The following SCAPER variants were observed in gnomAD, a reference collection of about 807,000 sequenced individuals.
The protein encoded by SCAPER is S phase cyclin A-associated protein in the endoplasmic reticulum.
A neutral mutation model predicts 182.2 loss-of-function variants in SCAPER; 98 were observed. The ratio of observed to expected loss-of-function variants is 0.54; its 90% confidence interval spans 0.46 to 0.64. The LOEUF (loss-of-function observed/expected upper bound fraction) is 0.64. Ranked by LOEUF, SCAPER falls within the 30% of genes least tolerant of loss-of-function variation. SCAPER has a pLI of 0.00. For synonymous variants in SCAPER, 605 were observed against 564.6 expected (o/e 1.07, Z -1.01); for missense variants, 1,432 against 1,690.0 (o/e 0.85, Z 2.68).
intron 24 of SCAPER, among the ~76,000 whole-genome samples, chr15:76,483,643 C>T (rs1165649684): frequency 6.6e-6 from 1 of 152,100 alleles, no homozygotes; most frequent in Non-Finnish European, 1.5e-5. Context: ...AGAACTCTTA[C>T]AACTTAATAC....
At chr15:76,870,565 A>T (rs1026048368) in intron 2 of SCAPER, among the ~76,000 whole-genome samples, 4 of 152,078 alleles carry the variant, frequency 2.6e-5, no homozygotes, top group Non-Finnish European at 5.9e-5. Context: ...AGAAAACTAG[A>T]TACCTTAAAA....
chr15:76,641,305 A>G (rs1246844988), intron 21 of SCAPER, among the ~76,000 whole-genome samples: 1 of 152,232 alleles, frequency 6.6e-6, no homozygotes, highest in African/African-American at 2.4e-5. Flanking sequence ...GTACTTCTGC[A>G]TACAGATGTT....
At chr15:76,664,413 G>A (rs950228652) in intron 21 of SCAPER, among the ~76,000 whole-genome samples, 1 of 152,120 alleles carries the variant, frequency 6.6e-6, no homozygotes, top group African/African-American at 2.4e-5. Context: ...TGACTTTAAT[G>A]GTTTTGGCCT....
At chr15:76,890,748 A>G (rs1288281807) in intron 1 of SCAPER, among the ~76,000 whole-genome samples, 1 of 152,230 alleles carries the variant, frequency 6.6e-6, no homozygotes, top group Non-Finnish European at 1.5e-5. Flanking sequence ...TACAAAGAGG[A>G]GTTGGTACCA....
intron 8 of SCAPER, among the ~76,000 whole-genome samples, chr15:76,790,748 G>C (rs1369349847): frequency 1.3e-5 from 2 of 152,128 alleles, no homozygotes. Context: ...TATGTAACTA[G>C]TGGTCTGTTA....
intron 25 of SCAPER, among the ~76,000 whole-genome samples, chr15:76,441,302 C>G (rs1198202885): frequency 6.6e-6 from 1 of 152,124 alleles, no homozygotes; most frequent in African/African-American, 2.4e-5. Context: ...TATCATTACC[C>G]TTTCTAACAT....
chr15:76,603,943 G>C (rs925676582), intron 22 of SCAPER, among the ~76,000 whole-genome samples: 1 of 121,090 alleles, frequency 8.3e-6, no homozygotes, highest in African/African-American at 2.5e-5. Context: ...CAGATGAGTA[G>C]GTTGCAAAAA....
At chr15:76,728,305 C>T (rs2060713238) in intron 17 of SCAPER, among the ~76,000 whole-genome samples, 1 of 151,868 alleles carries the variant, frequency 6.6e-6, no homozygotes, top group Non-Finnish European at 1.5e-5. Context: ...GGTCCTCTAA[C>T]CTTTTACTAA....
chr15:76,682,264 T>TCCCCCCCCCCCCCCCC (rs573661987), intron 20 of SCAPER, among the ~76,000 whole-genome samples: 1 of 130,518 alleles, frequency 7.7e-6, no homozygotes. Flanking sequence ...TCACCTCCCT[T>TCCCCCCCCCCCCCCCC]CCCCCCCCCA....
intron 30 of SCAPER, 106 bp from the exon 31 acceptor site, chr15:76,351,394 A>G (rs2040537569): frequency 6.5e-6 from 6 of 916,306 alleles, no homozygotes; most frequent in East Asian, 2.9e-5. Flanking sequence ...TTTTGTATGA[A>G]TATTTTGGGG....
At chr15:76,721,910 C>T (rs2150970771) in intron 17 of SCAPER, among the ~76,000 whole-genome samples, 1 of 152,216 alleles carries the variant, frequency 6.6e-6, no homozygotes. Context: ...TAATTGAATG[C>T]CCTTTATTTC....
intron 25 of SCAPER, among the ~76,000 whole-genome samples, chr15:76,462,406 T>C (rs184038512): frequency 9.5e-4 from 145 of 152,324 alleles, no homozygotes; most frequent in African/African-American, 3.3e-3. Context: ...TTCTATGATG[T>C]GGATTCTTTC....
intron 17 of SCAPER, among the ~76,000 whole-genome samples, chr15:76,717,123 T>C (rs1016826904): frequency 1.6e-5 from 2 of 126,262 alleles, no homozygotes; most frequent in Non-Finnish European, 3.2e-5. Flanking sequence ...TGGGATGACA[T>C]ATTCAAAATG....
At chr15:76,659,361 C>T (rs1034859010) in intron 21 of SCAPER, among the ~76,000 whole-genome samples, 1 of 152,134 alleles carries the variant, frequency 6.6e-6, no homozygotes, top group African/African-American at 2.4e-5. Context: ...GTCTCGACCT[C>T]CCAGGCTCAA....
At chr15:76,667,047 T>C (rs1310664696) in intron 20 of SCAPER, among the ~76,000 whole-genome samples, 1 of 152,228 alleles carries the variant, frequency 6.6e-6, no homozygotes, top group Admixed American at 6.5e-5. Context: ...TCAGCTACTA[T>C]CCTTTTGTAC....
In SCAPER at chr15:76,862,401, T is replaced by A; in HGVS notation, c.124+15A>T. ...TATTTACAACAAAAATGAAACTAAT[T>A]TTTTAAATACATACCATCATCATCT... On this transcript the variant is annotated intron_variant, in intron 3 of 31. Transcript: ENST00000563290. 1 of 1,541,574 alleles carries A rather than the reference T, an allele frequency of 6.5e-7. No individual in the cohort carries two copies. The highest frequency in any genetic ancestry group is 1.1e-5 in the South Asian group (1 of 87,766).
At chr15:76,490,135 G>A (rs1269883341) in intron 24 of SCAPER, among the ~76,000 whole-genome samples, 5 of 152,170 alleles carry the variant, frequency 3.3e-5, no homozygotes, top group Admixed American at 3.3e-4. Flanking sequence ...TTGAGATTGT[G>A]ATTTTAATTC....
chr15:76,655,781 C>G (rs1454861196), intron 21 of SCAPER, among the ~76,000 whole-genome samples: 1 of 152,084 alleles, frequency 6.6e-6, no homozygotes, highest in Non-Finnish European at 1.5e-5. Context: ...GAAATTCCAA[C>G]CAAGGACTTT....
chr15:76,868,612 A>C (rs1027078686), intron 2 of SCAPER, among the ~76,000 whole-genome samples: 2 of 152,174 alleles, frequency 1.3e-5, no homozygotes, highest in Admixed American at 1.3e-4. Flanking sequence ...GACAAGGAAA[A>C]TTGTAATACA....
Sources: gnomAD v4.1 joint callset for allele counts (sites outside exome capture counted in the v4.1 genomes callset) on GRCh38, gnomAD v4.1.1 for gene constraint, MANE v1.5 for transcripts, NCBI Gene and HGNC (gene_info 2026-07-23, HGNC 2026-07-21) for gene names.